The following KCND2 variants were observed in gnomAD, a reference collection of about 807,000 sequenced individuals.
KCND2 encodes potassium voltage-gated channel subfamily D member 2.
Under a neutral mutation model 54.4 loss-of-function variants are expected in KCND2, and 16 were observed. The observed-to-expected ratio is 0.29, with a 90% CI of 0.20 to 0.45. The LOEUF is 0.45. KCND2 is among the 20% of genes least tolerant of loss of function. The probability of loss-of-function intolerance (pLI) is 1.00; values close to 1 mark genes in which losing one functional copy is unlikely to be tolerated. For synonymous variants in KCND2, 317 were observed against 310.7 expected (o/e 1.02, Z -0.21); for missense variants, 486 against 824.2 (o/e 0.59, Z 5.02).
intron 1 of KCND2, among the ~76,000 whole-genome samples, chr7:120,297,599 G>A (rs1255628903): frequency 2.0e-5 from 3 of 151,980 alleles, no homozygotes; most frequent in Admixed American, 6.6e-5. Flanking sequence ...TGGAATGGCA[G>A]TTTTATTTTT....
intron 1 of KCND2, among the ~76,000 whole-genome samples, chr7:120,531,796 G>A (rs1791846412): frequency 6.6e-6 from 1 of 151,956 alleles, no homozygotes; most frequent in Admixed American, 6.6e-5. Flanking sequence ...TGCCACCATG[G>A]TTTCCTGGAT....
chr7:120,621,447 C>A (rs1005432360), intron 1 of KCND2, among the ~76,000 whole-genome samples: 3 of 151,972 alleles, frequency 2.0e-5, no homozygotes, highest in African/African-American at 7.3e-5. Context: ...TGATATATCT[C>A]CCTGTAGCAT....
At chr7:120,488,456 C>G (rs1324871932) in intron 1 of KCND2, among the ~76,000 whole-genome samples, 1 of 151,998 alleles carries the variant, frequency 6.6e-6, no homozygotes, top group African/African-American at 2.4e-5. Context: ...AAAAAAGTTA[C>G]CTCCATTCTT....
intron 1 of KCND2, among the ~76,000 whole-genome samples, chr7:120,309,474 T>TACACACACAC (rs1209573900): frequency 8.8e-6 from 1 of 113,278 alleles, no homozygotes; most frequent in African/African-American, 3.4e-5. Context: ...TATATATATA[T>TACACACACAC]ACACACACAC....
chr7:120,692,996 A>C (rs923759763), intron 1 of KCND2, among the ~76,000 whole-genome samples: 1 of 152,230 alleles, frequency 6.6e-6, no homozygotes, highest in African/African-American at 2.4e-5. Context: ...AAACCTACCA[A>C]ATCCTACTAA....
chr7:120,397,504 C>T (rs924709951), intron 1 of KCND2, among the ~76,000 whole-genome samples: 20 of 151,912 alleles, frequency 1.3e-4, no homozygotes, highest in Admixed American at 1.1e-3. Flanking sequence ...CTTTAAAGTT[C>T]TCAATTGTAG....
intron 1 of KCND2, among the ~76,000 whole-genome samples, chr7:120,679,593 A>G (rs1792114527): frequency 6.6e-6 from 1 of 152,072 alleles, no homozygotes; most frequent in Non-Finnish European, 1.5e-5. Context: ...AGCATATTTT[A>G]TGCACATAAT....
At chr7:120,329,858 G>A (rs1262105604) in intron 1 of KCND2, among the ~76,000 whole-genome samples, 1 of 152,148 alleles carries the variant, frequency 6.6e-6, no homozygotes, top group Admixed American at 6.5e-5. Flanking sequence ...AGACAAATGT[G>A]GAGAATGCTT....
At chr7:120,277,814 A>ATT (rs1799200694) in intron 1 of KCND2, among the ~76,000 whole-genome samples, 1 of 152,026 alleles carries the variant, frequency 6.6e-6, no homozygotes, top group Non-Finnish European at 1.5e-5. Context: ...AAAAGCACCC[A>ATT]TTTTTGAAAA....
chr7:120,339,058 T>A (rs1020502635), intron 1 of KCND2, among the ~76,000 whole-genome samples: 46 of 151,776 alleles, frequency 3.0e-4, no homozygotes, highest in African/African-American at 9.2e-4. Flanking sequence ...TTATTATTTT[T>A]TTTTTTTTTG....
At chr7:120,283,648 A>C (rs1405511621) in intron 1 of KCND2, among the ~76,000 whole-genome samples, 2 of 152,142 alleles carry the variant, frequency 1.3e-5, no homozygotes, top group Non-Finnish European at 2.9e-5. Flanking sequence ...TGCTCAGTGG[A>C]TATGGAATTA....
rs74598458 is a variant in KCND2 at position 120,720,219 on chromosome 7, A to G, written c.1116-12684A>G. ...TTGCTCATGATCATTCAAAACACAG[A>G]GTGACATGACACAGGAAACTGCTAC... On this transcript the variant is annotated intron_variant, in intron 1 of 5. Coordinates refer to ENST00000331113, the MANE Select transcript of KCND2 (RefSeq NM_012281.3). Among the ~76,000 whole-genome samples, 302 of 152,238 alleles carry G rather than the reference A, an allele frequency of 2.0e-3. 2 individuals are homozygous for G. Among genetic ancestry groups the G allele is most frequent in the African/African-American group, 6.5e-3 (272 of 41,558 alleles).
chr7:120,583,784 T>TTG (rs569771553), intron 1 of KCND2, among the ~76,000 whole-genome samples: 5 of 142,586 alleles, frequency 3.5e-5, no homozygotes, highest in African/African-American at 1.4e-4. Context: ...ATAGGAATTG[T>TTG]GGGGGGGGGG....
At chr7:120,563,594 A>T (rs1479341465) in intron 1 of KCND2, among the ~76,000 whole-genome samples, 2 of 152,186 alleles carry the variant, frequency 1.3e-5, no homozygotes, top group African/African-American at 4.8e-5. Flanking sequence ...TCATCAACAG[A>T]TGGAAGCTCA....
intron 1 of KCND2, among the ~76,000 whole-genome samples, chr7:120,418,777 G>A (rs1287215216): frequency 6.6e-6 from 1 of 152,256 alleles, no homozygotes; most frequent in East Asian, 1.9e-4. Context: ...CTCTGAGAAT[G>A]CCATGTAGCC....
At chr7:120,605,763 G>A (rs1792874344) in intron 1 of KCND2, among the ~76,000 whole-genome samples, 3 of 152,202 alleles carry the variant, frequency 2.0e-5, no homozygotes, top group Admixed American at 2.0e-4. Context: ...AGTCATCCTA[G>A]TGGATGTGAA....
chr7:120,667,395 A>G (rs2116568169), intron 1 of KCND2, among the ~76,000 whole-genome samples: 1 of 152,134 alleles, frequency 6.6e-6, no homozygotes, highest in Middle Eastern at 3.4e-3. Flanking sequence ...CCAGGGATCA[A>G]GGTTTGGGGT....
At chr7:120,629,048 C>G in intron 1 of KCND2, among the ~76,000 whole-genome samples, 1 of 152,084 alleles carries the variant, frequency 6.6e-6, no homozygotes, top group Non-Finnish European at 1.5e-5. Context: ...CGGAAGAACG[C>G]TCTGATAAGA....
At chr7:120,442,859 T>G (rs2116197855) in intron 1 of KCND2, among the ~76,000 whole-genome samples, 1 of 152,254 alleles carries the variant, frequency 6.6e-6, no homozygotes. Context: ...CTATTTGGAC[T>G]TTAAACTATT....
Sources: allele counts gnomAD v4.1 joint callset (sites outside exome capture counted in the v4.1 genomes callset), GRCh38; gene constraint gnomAD v4.1.1; transcripts MANE v1.5; gene names NCBI Gene and HGNC (gene_info 2026-07-23, HGNC 2026-07-21).